Variants in ZNF277 observed in about 807,000 individuals in gnomAD.
ZNF277 encodes nuclear receptor-interacting factor 4.
A neutral mutation model predicts 60.7 loss-of-function variants in ZNF277; 55 were observed. The observed-to-expected ratio is 0.91, with a 90% CI of 0.73 to 1.13. ZNF277 has a LOEUF of 1.13. Among genes scored for constraint, ZNF277 ranks in the 50% most tolerant of loss-of-function variants. The pLI is 0.00. For missense variants in ZNF277, 510 were observed against 523.0 expected, an observed-to-expected ratio of 0.98 and a Z score of 0.24; for synonymous variants, 178 against 179.3, an observed-to-expected ratio of 0.99 and a Z score of 0.06.
intron 4 of ZNF277, among the ~76,000 whole-genome samples, chr7:112,305,831 G>A (rs1391337470): frequency 6.6e-6 from 1 of 152,032 alleles, no homozygotes; most frequent in Non-Finnish European, 1.5e-5. Context: ...AAGGAATGCT[G>A]GTCCAGTGTC....
chr7:112,260,829 C>A (rs1791423470), intron 1 of ZNF277, among the ~76,000 whole-genome samples: 1 of 152,198 alleles, frequency 6.6e-6, no homozygotes, highest in South Asian at 2.1e-4. Flanking sequence ...GCTACCTTTT[C>A]TGACTTTCAA....
At chr7:112,222,431 G>T (rs1043890277) in intron 1 of ZNF277, among the ~76,000 whole-genome samples, 1 of 152,108 alleles carries the variant, frequency 6.6e-6, no homozygotes, top group Non-Finnish European at 1.5e-5. Context: ...TATGTGTATA[G>T]AATTTATCCA....
intron 4 of ZNF277, among the ~76,000 whole-genome samples, chr7:112,306,499 G>A (rs547882319): frequency 1.1e-4 from 17 of 152,202 alleles, no homozygotes; most frequent in African/African-American, 1.9e-4. Context: ...ATAGGCGTGA[G>A]CCACCGCCCC....
rs758600766 is a variant in ZNF277 at position 112,206,777 on chromosome 7, T to G, written c.61T>G (p.Cys21Gly). Residue 21 changes from cysteine to glycine, a missense_variant, in exon 1 of 12, where the codon TGC (cysteine) becomes GGC (glycine). Cys to Gly is a radical substitution (Grantham distance 159, BLOSUM62 -3). Transcript: ENST00000361822. The stretch of plus-strand genomic sequence containing the variant: ...AATGCAGGAAGACCGTGATGGGAGC[T>G]GCAGCACAGTCGGGGGTGTAGGTTA... ...ARMQEDRDGS[C>G]STVGGVGYGD... 1.2e-6 allele frequency: 2 copies of G among 1,613,224 alleles called. No individual in the cohort carries two copies. The highest frequency in any genetic ancestry group is 1.7e-5 in the Admixed American group (1 of 59,894).
intron 1 of ZNF277, among the ~76,000 whole-genome samples, chr7:112,216,987 A>G (rs550784740): frequency 6.6e-6 from 1 of 152,334 alleles, no homozygotes; most frequent in South Asian, 2.1e-4. Context: ...TGCAAAACTG[A>G]AAGAGCTACT....
intron 1 of ZNF277, among the ~76,000 whole-genome samples, chr7:112,232,475 G>A (rs1365664161): frequency 2.6e-5 from 4 of 152,098 alleles, no homozygotes; most frequent in Non-Finnish European, 5.9e-5. Context: ...ACTAAGAATT[G>A]AGGCCACTTC....
rs565902858 is a variant in ZNF277 at position 112,306,534 on chromosome 7, C to G, written c.465+10223C>G. 8.7e-4 allele frequency among the ~76,000 whole-genome samples: 132 copies of G among 152,050 alleles called. 1 individual carries two copies. Among genetic ancestry groups the G allele is most frequent in the African/African-American group, 2.9e-3 (122 of 41,508 alleles). On this transcript the variant is annotated intron_variant, in intron 4 of 11. Coordinates refer to ENST00000361822, the MANE Select transcript of ZNF277 (RefSeq NM_021994.3). ...CCAGCTGATGTTCATGTTTTTATCC[C>G]TTTTCTAGAGAGGCTCTTTTATAAT...
intron 1 of ZNF277, among the ~76,000 whole-genome samples, chr7:112,235,941 A>C (rs973894792): frequency 6.6e-6 from 1 of 151,950 alleles, no homozygotes; most frequent in Non-Finnish European, 1.5e-5. Context: ...GTTTTGAGTT[A>C]ATTTTTGTGT....
intron 1 of ZNF277, among the ~76,000 whole-genome samples, chr7:112,224,668 T>C (rs1587090177): frequency 1.3e-5 from 2 of 152,148 alleles, no homozygotes; most frequent in Non-Finnish European, 2.9e-5. Context: ...CTAAACTGAT[T>C]TAGCAGGATT....
At chr7:112,339,421 C>T (rs191967246) in intron 9 of ZNF277, among the ~76,000 whole-genome samples, 234 of 152,304 alleles carry the variant, frequency 1.5e-3, no homozygotes, top group Admixed American at 5.9e-3. Context: ...TAGGTTCAAG[C>T]GATTCTCGTG....
intron 1 of ZNF277, among the ~76,000 whole-genome samples, chr7:112,221,534 C>G (rs1822031782): frequency 6.6e-6 from 1 of 152,118 alleles, no homozygotes; most frequent in South Asian, 2.1e-4. Flanking sequence ...TTATTATGCA[C>G]TTTATTTCTA....
In ZNF277 at chr7:112,207,711, G is replaced by C. The variant is rs537063933; in HGVS notation, c.91+904G>C. ...CAAGTTGTCTTTTTCTGATGAACAT[G>C]GTTTGGGGCTTAAATATAGTTCTCA... On this transcript the variant is annotated intron_variant, in intron 1 of 11. Coordinates refer to ENST00000361822, the MANE Select transcript of ZNF277 (RefSeq NM_021994.3). Among the ~76,000 whole-genome samples the C allele has an allele frequency of 3.3e-5, 5 of 151,860 alleles. No individual in the cohort carries two copies. In the South Asian group the frequency reaches 1.0e-3, roughly 32 times the overall value.
intron 1 of ZNF277, among the ~76,000 whole-genome samples, chr7:112,243,116 A>G (rs1790999091): frequency 6.6e-6 from 1 of 151,852 alleles, no homozygotes; most frequent in African/African-American, 2.4e-5. Flanking sequence ...TGGGAAAATT[A>G]TACAGCCATA....
intron 4 of ZNF277, among the ~76,000 whole-genome samples, chr7:112,300,940 A>T (rs1792457814): frequency 6.6e-6 from 1 of 152,010 alleles, no homozygotes. Context: ...ACTCATACTT[A>T]CCTTGTCTAT....
At chr7:112,313,002 G>A (rs1221486238) in intron 4 of ZNF277, among the ~76,000 whole-genome samples, 1 of 151,902 alleles carries the variant, frequency 6.6e-6, no homozygotes, top group Non-Finnish European at 1.5e-5. Flanking sequence ...TATCTTTGTT[G>A]TTATTTTAAG....
At chr7:112,248,073 G>T (rs1791123182) in intron 1 of ZNF277, among the ~76,000 whole-genome samples, 1 of 152,122 alleles carries the variant, frequency 6.6e-6, no homozygotes, top group African/African-American at 2.4e-5. Context: ...ACAGAAGAAG[G>T]TAAATGATGT....
chr7:112,209,030 T>A (rs930785205), intron 1 of ZNF277, among the ~76,000 whole-genome samples: 2 of 152,152 alleles, frequency 1.3e-5, no homozygotes, highest in Admixed American at 1.3e-4. Flanking sequence ...AACTGAAAGA[T>A]CTGCAACCTT....
chr7:112,220,009 T>C (rs1821984346), intron 1 of ZNF277, among the ~76,000 whole-genome samples: 1 of 152,224 alleles, frequency 6.6e-6, no homozygotes, highest in South Asian at 2.1e-4. Context: ...GTTTTGTTCT[T>C]TTTGCTCAAC....
intron 1 of ZNF277, among the ~76,000 whole-genome samples, chr7:112,265,081 T>C (rs957585708): frequency 4.6e-5 from 7 of 152,230 alleles, no homozygotes; most frequent in Admixed American, 2.0e-4. Context: ...TTTGCTTTTT[T>C]ATCATTTGTG....
Sources: allele counts gnomAD v4.1 joint callset (sites outside exome capture counted in the v4.1 genomes callset), GRCh38; gene constraint gnomAD v4.1.1; transcripts MANE v1.5; gene names NCBI Gene and HGNC (gene_info 2026-07-23, HGNC 2026-07-21).